CTNNA3: variants seen among roughly 807,000 people sequenced by gnomAD.
CTNNA3 encodes catenin alpha 3.
CTNNA3 carries 76 observed loss-of-function variants against 95.7 expected under a neutral mutation model. The observed-to-expected ratio is 0.79, with a 90% CI of 0.66 to 0.96. CTNNA3 has a LOEUF of 0.96. Among genes scored for constraint, CTNNA3 ranks in the 40% least tolerant of loss-of-function variants. The pLI is 0.00. For missense variants in CTNNA3, 1,191 were observed against 1,089.8 expected (o/e 1.09, Z -1.31); for synonymous variants, 431 against 374.4 (o/e 1.15, Z -1.74).
intron 15 of CTNNA3, among the ~76,000 whole-genome samples, chr10:66,057,002 A>G (rs1358087761): frequency 6.6e-6 from 1 of 152,208 alleles, no homozygotes; most frequent in Non-Finnish European, 1.5e-5. Flanking sequence ...TAAGAATCAG[A>G]GAAAGCCAAA....
intron 9 of CTNNA3, among the ~76,000 whole-genome samples, chr10:66,716,025 G>A (rs558782828): frequency 7.2e-5 from 11 of 152,080 alleles, no homozygotes; most frequent in African/African-American, 2.4e-4. Context: ...CATTAAAGCT[G>A]ACATTTTCTC....
chr10:67,558,769 G>A (rs573225892), intron 3 of CTNNA3, among the ~76,000 whole-genome samples: 215 of 152,286 alleles, frequency 1.4e-3, no homozygotes, highest in Non-Finnish European at 2.0e-3. Context: ...CTGGAAAATC[G>A]GGTCACTCCC....
intron 5 of CTNNA3, among the ~76,000 whole-genome samples, chr10:67,420,619 G>T (rs1022197039): frequency 1.3e-5 from 2 of 152,150 alleles, no homozygotes; most frequent in Admixed American, 1.3e-4. Context: ...AGTACTACAT[G>T]AGTTAGCTCA....
chr10:66,159,626 G>GTT lies in CTNNA3; in HGVS notation c.1885-56379_1885-56378dup, dbSNP rs34684370. Among the ~76,000 whole-genome samples the GTT allele has an allele frequency of 5.0e-3, 574 of 114,734 alleles. 8 individuals carry two copies. Among genetic ancestry groups the GTT allele is most frequent in the South Asian group, 0.03 (102 of 3,432 alleles). 75.3% of individuals were successfully genotyped at this position (114,734 alleles called of 152,430 possible). On this transcript the variant is annotated intron_variant, in intron 13 of 17. Coordinates refer to ENST00000433211, the MANE Select transcript of CTNNA3 (RefSeq NM_013266.4). Reference sequence around the variant, plus strand: ...ATTGGTCTTTAGTTTTTTGTTTTCTGTTTTTTTTTTTTTTTTTGGTTATGT... The same window carrying GTT: ...ATTGGTCTTTAGTTTTTTGTTTTCTGTTTTTTTTTTTTTTTTTTTGGTTATGT...
chr10:66,763,024 A>C (rs1468263803), intron 9 of CTNNA3, among the ~76,000 whole-genome samples: 1 of 152,072 alleles, frequency 6.6e-6, no homozygotes, highest in African/African-American at 2.4e-5. Flanking sequence ...AAATTGCCCA[A>C]CTTGGGAATA....
At chr10:66,414,382 T>C (rs573108715) in intron 11 of CTNNA3, among the ~76,000 whole-genome samples, 1 of 152,224 alleles carries the variant, frequency 6.6e-6, no homozygotes, top group African/African-American at 2.4e-5. Context: ...AAGCAGCCTG[T>C]TCAGCCTGGA....
intron 7 of CTNNA3, among the ~76,000 whole-genome samples, chr10:67,121,744 C>T (rs536795202): frequency 6.6e-5 from 10 of 151,898 alleles, no homozygotes; most frequent in African/African-American, 2.4e-4. Flanking sequence ...GACCAGCAGC[C>T]TCAATGTCTG....
At chr10:66,130,801 A>T (rs1279926101) in intron 13 of CTNNA3, among the ~76,000 whole-genome samples, 1 of 151,456 alleles carries the variant, frequency 6.6e-6, no homozygotes, top group Admixed American at 6.6e-5. Flanking sequence ...GGTTGCAGTA[A>T]GCCCAGATCG....
intron 7 of CTNNA3, among the ~76,000 whole-genome samples, chr10:66,867,146 C>T (rs1031884546): frequency 1.3e-5 from 2 of 150,544 alleles, no homozygotes; most frequent in Non-Finnish European, 2.9e-5. Flanking sequence ...ATTACCCAGT[C>T]TCAGGTATGT....
chr10:67,025,136 AAAAAAAAAAAAG>A (rs1259111676), intron 7 of CTNNA3, among the ~76,000 whole-genome samples: 1 of 9,524 alleles, frequency 1.0e-4, no homozygotes, highest in East Asian at 3.5e-3. Flanking sequence ...TGTCAAAAAC[AAAAAAAAAAAAG>A]AAAGAAAGGA....
Position 66,984,080 on chromosome 10 carries a change from G to C in CTNNA3, c.1047+196237C>G, listed in dbSNP as rs557847428. On this transcript the variant is annotated intron_variant, in intron 7 of 17. Coordinates refer to ENST00000433211, the MANE Select transcript of CTNNA3 (RefSeq NM_013266.4). ...CTCATCTGTTTACACTAGAGCCTGT[G>C]TTCATTCCATCAGTAAATAGTTATT... 3.3e-5 allele frequency among the ~76,000 whole-genome samples: 5 copies of C among 152,250 alleles called. No homozygotes were observed. In the East Asian group the frequency reaches 9.7e-4, roughly 29 times the overall value.
chr10:67,293,959 T>C (rs537830439), intron 5 of CTNNA3, among the ~76,000 whole-genome samples: 1 of 152,288 alleles, frequency 6.6e-6, no homozygotes, highest in South Asian at 2.1e-4. Flanking sequence ...CTATTGTGAA[T>C]AGTGCTGCAA....
chr10:67,704,315 C>G (rs1336428488), intron 1 of CTNNA3, among the ~76,000 whole-genome samples: 2 of 152,168 alleles, frequency 1.3e-5, no homozygotes, highest in Admixed American at 6.6e-5. Flanking sequence ...GCCCGCATCA[C>G]CAAGTCAATC....
At chr10:67,125,661 G>A (rs1020530233) in intron 7 of CTNNA3, among the ~76,000 whole-genome samples, 56 of 152,074 alleles carry the variant, frequency 3.7e-4, no homozygotes, top group African/African-American at 1.3e-3. Flanking sequence ...TACCGTAAAC[G>A]CATATAACTT....
intron 12 of CTNNA3, among the ~76,000 whole-genome samples, chr10:66,366,588 G>C (rs1336792456): frequency 6.6e-6 from 1 of 152,088 alleles, no homozygotes; most frequent in African/African-American, 2.4e-5. Context: ...TCATCTATGA[G>C]GGATGCATCC....
Position 67,255,751 on chromosome 10 carries a change from C to A in CTNNA3, c.580-35881G>T, listed in dbSNP as rs1032244964. Among the ~76,000 whole-genome samples the A allele has an allele frequency of 2.0e-5, 3 of 152,238 alleles. No homozygotes were observed. In the East Asian group the frequency reaches 5.8e-4, roughly 29 times the overall value. On this transcript the variant is annotated intron_variant, in intron 5 of 17. Transcript: ENST00000433211. ...CGGACTTTCCAGTAAGAACTGAAAA[C>A]CTTCTCCTAGAGGTTCACAGTGTTT...
intron 13 of CTNNA3, among the ~76,000 whole-genome samples, chr10:66,137,383 C>T (rs561252637): frequency 6.4e-4 from 97 of 151,880 alleles, no homozygotes; most frequent in African/African-American, 2.3e-3. Context: ...TCATGGAATA[C>T]CAAATGTAAA....
intron 7 of CTNNA3, among the ~76,000 whole-genome samples, chr10:66,975,270 T>A (rs1181627175): frequency 2.0e-5 from 3 of 152,166 alleles, no homozygotes; most frequent in African/African-American, 7.2e-5. Flanking sequence ...GGTATTCACA[T>A]ATAATTAATA....
At chr10:66,504,367 G>A (rs1469415463) in intron 11 of CTNNA3, among the ~76,000 whole-genome samples, 1 of 152,144 alleles carries the variant, frequency 6.6e-6, no homozygotes, top group African/African-American at 2.4e-5. Context: ...GTTTTTACCG[G>A]TTTGTTAAAA....
Sources: allele counts gnomAD v4.1 joint callset (sites outside exome capture counted in the v4.1 genomes callset), GRCh38; gene constraint gnomAD v4.1.1; transcripts MANE v1.5; gene names NCBI Gene and HGNC (gene_info 2026-07-23, HGNC 2026-07-21).